ABCA4: variants seen among roughly 807,000 people sequenced by gnomAD.
The protein encoded by ABCA4 is ATP binding cassette subfamily A member 4.
Under a neutral mutation model 263.7 loss-of-function variants are expected in ABCA4, and 196 were observed. That is an observed-to-expected ratio of 0.74 (90% CI 0.66 to 0.84). The LOEUF is 0.84. Ranked by LOEUF, ABCA4 falls within the 40% of genes least tolerant of loss-of-function variation. ABCA4 has a pLI of 0.00. For synonymous variants in ABCA4, 1,133 were observed against 1,094.2 expected, an observed-to-expected ratio of 1.04 and a Z score of -0.70; for missense variants, 2,792 against 2,855.1, an observed-to-expected ratio of 0.98 and a Z score of 0.50.
chr1:94,075,352 T>TA (rs56275191), intron 11 of ABCA4, among the ~76,000 whole-genome samples: 12,397 of 150,430 alleles, frequency 0.082, 608 homozygotes, highest in South Asian at 0.17. Flanking sequence ...ATCTAAAAAT[T>TA]AAAAAAAAAA....
chr1:94,017,821 TG>T (rs1659780866), intron 36 of ABCA4, among the ~76,000 whole-genome samples: 1 of 152,212 alleles, frequency 6.6e-6, no homozygotes. Flanking sequence ...CAACTGTACT[TG>T]TGACTTTTCC....
chr1:94,083,516 TCTC>T (rs1403179710), intron 6 of ABCA4, 75 bp from the exon 7 acceptor site: 2 of 1,149,664 alleles, frequency 1.7e-6, no homozygotes, highest in African/African-American at 1.5e-5. Context: ...CACAGTCTGA[TCTC>T]CTATATGTTT....
chr1:94,052,355 A>G (rs1660860141), intron 16 of ABCA4, among the ~76,000 whole-genome samples: 2 of 152,184 alleles, frequency 1.3e-5, no homozygotes, highest in Admixed American at 6.5e-5. Flanking sequence ...TCTGCTCCCT[A>G]CAAAATGTTG....
At position 94,040,068 on chromosome 1, in the gene ABCA4, G is replaced by A; in HGVS notation, c.3582C>T (p.Asp1194=). The part of the protein sequence containing the change: ...FSTTCPAHVD[D]LTPEQVLDGD... ...CATCCAGGACTTGTTCTGGAGTTAG[G>A]TCATCGACGTGGGCTGGACACGTGG... Residue 1194 remains aspartate, a synonymous_variant, in exon 24 of 50, where the codon GAC becomes GAT. Coordinates refer to ENST00000370225, the MANE Select transcript of ABCA4 (RefSeq NM_000350.3). The A allele has an allele frequency of 6.2e-7, 1 of 1,608,738 alleles. No homozygotes were observed. The highest frequency in any genetic ancestry group is 8.5e-7 in the Non-Finnish European group (1 of 1,177,350).
chr1:94,011,216 C>G (rs1193395757), intron 39 of ABCA4, 46 bp downstream of exon 39: 1 of 1,613,658 alleles, frequency 6.2e-7, no homozygotes, highest in Non-Finnish European at 8.5e-7. Context: ...ACCCTCCCAG[C>G]TTTGGACCCA....
rs1662606229 is a variant in ABCA4, at chr1:94,111,568, T to C, written c.172A>G (p.Asn58Asp). 1 of 1,614,080 alleles carries C rather than the reference T, an allele frequency of 6.2e-7. No individual in the cohort carries two copies. The highest frequency in any genetic ancestry group is 8.5e-7 in the Non-Finnish European group (1 of 1,180,048). ...ATTCCTGCTGAGGGCATCGCCTTGT[T>C]GGGGAAATGGCCTTTAAAACAGAAA... ...LYSHHECHFP[N>D]KAMPSAGMLP... Residue 58 changes from asparagine (N) to aspartate (D), a missense_variant, in exon 3 of 50, where the codon AAC becomes GAC. By Grantham distance (23) the Asn-to-Asp change is conservative. Transcript: ENST00000370225.
At chr1:94,051,055 C>G (rs1031132965) in intron 17 of ABCA4, among the ~76,000 whole-genome samples, 5 of 152,192 alleles carry the variant, frequency 3.3e-5, no homozygotes, top group African/African-American at 4.8e-5. Flanking sequence ...AGTAAAGGTG[C>G]CTTTTACCTA....
intron 15 of ABCA4, among the ~76,000 whole-genome samples, chr1:94,055,599 G>A (rs1392678968): frequency 6.6e-6 from 1 of 152,170 alleles, no homozygotes; most frequent in Non-Finnish European, 1.5e-5. Context: ...TAGCTTCCTA[G>A]TGATCTATGT....
intron 11 of ABCA4, among the ~76,000 whole-genome samples, chr1:94,064,543 C>T (rs1661214708): frequency 6.6e-6 from 1 of 152,150 alleles, no homozygotes; most frequent in South Asian, 2.1e-4. Flanking sequence ...CAGTGGTTCC[C>T]ATCTGTGGCT....
chr1:94,013,224 CCCG>C (rs760735233), intron 38 of ABCA4, among the ~76,000 whole-genome samples: 86,631 of 151,486 alleles, frequency 0.57, 27,543 homozygotes, highest in South Asian at 0.76. Flanking sequence ...TTCTTATCCC[CCCG>C]CCTTTCCAGA....
intron 4 of ABCA4, among the ~76,000 whole-genome samples, chr1:94,106,286 G>T (rs530459376): frequency 6.6e-6 from 1 of 152,266 alleles, no homozygotes; most frequent in East Asian, 1.9e-4. Flanking sequence ...TAGTGATTTT[G>T]GTTCTCATAT....
In ABCA4 at chr1:94,078,693, A is replaced by C; in HGVS notation, c.1253T>G (p.Phe418Cys). 6.2e-7 allele frequency: 1 copy of C among 1,613,544 alleles called. No individual in the cohort carries two copies. The highest frequency in any genetic ancestry group is 8.5e-7 in the Non-Finnish European group (1 of 1,179,518). The change falls in exon 10 of 50, where the codon TTT becomes TGT. Residue 418 changes from phenylalanine (F) to cysteine (C), a missense_variant. Coordinates refer to ENST00000370225, the MANE Select transcript of ABCA4 (RefSeq NM_000350.3). ...CTTCCTAACGTGTTCCAGTTCTTCA[A>C]AAGTTGAGTTGGCCTAAAACCAGAC... ...RRILKNANST[F>C]EELEHVRKLV...
chr1:94,034,288 C>A (rs76296218), intron 26 of ABCA4, among the ~76,000 whole-genome samples: 2,670 of 152,262 alleles, frequency 0.018, 89 homozygotes, highest in African/African-American at 0.06. Context: ...TCATTAGAAG[C>A]AGGGAGCCCT....
At chr1:94,101,067 A>G (rs1360268716) in intron 5 of ABCA4, among the ~76,000 whole-genome samples, 2 of 152,250 alleles carry the variant, frequency 1.3e-5, no homozygotes, top group Non-Finnish European at 2.9e-5. Flanking sequence ...CAGAGCCAGC[A>G]ACATGAAATA....
At chr1:94,025,321 C>T (rs1373920544) in intron 30 of ABCA4, among the ~76,000 whole-genome samples, 5 of 152,178 alleles carry the variant, frequency 3.3e-5, no homozygotes, top group African/African-American at 9.7e-5. Context: ...AATACTGCCA[C>T]GCTACCCAAG....
intron 11 of ABCA4, among the ~76,000 whole-genome samples, chr1:94,068,952 C>T (rs763707341): frequency 5.3e-5 from 8 of 152,232 alleles, no homozygotes; most frequent in Non-Finnish European, 8.8e-5. Context: ...AAAGGGCTTT[C>T]CTCCTCCCCT....
intron 43 of ABCA4, among the ~76,000 whole-genome samples, chr1:94,007,326 A>G (rs1659418964): frequency 6.6e-6 from 1 of 152,168 alleles, no homozygotes; most frequent in African/African-American, 2.4e-5. Context: ...TAGGCTACAA[A>G]TATTCATCAG....
Position 94,005,718 on chromosome 1 carries a change from T to C in ABCA4, c.6006-136A>G, listed in dbSNP as rs1323594071. On this transcript the variant is annotated intron_variant, in intron 43 of 49. Coordinates refer to ENST00000370225, the MANE Select transcript of ABCA4 (RefSeq NM_000350.3). The stretch of plus-strand genomic sequence containing the variant: ...TCTCCTATTTGGCTTCAGAAATGCA[T>C]GGGATATTTGGGAATCAAAACAGGG... The C allele has an allele frequency of 2.8e-5, 21 of 761,464 alleles. No homozygotes were observed. The Admixed American group carries it at 5.6e-4, about 20-fold the overall frequency. 47.2% of individuals were successfully genotyped at this position (761,464 alleles called of 1,614,324 possible). A position where few individuals can be genotyped will look rare whatever the true frequency, so the allele number is the denominator to read the frequency against.
chr1:94,112,636 A>G (rs1396054495), intron 2 of ABCA4, among the ~76,000 whole-genome samples: 1 of 152,096 alleles, frequency 6.6e-6, no homozygotes, highest in African/African-American at 2.4e-5. Flanking sequence ...TCTCCACAAA[A>G]AACAAAAAAA....
Sources: allele counts gnomAD v4.1 joint callset (sites outside exome capture counted in the v4.1 genomes callset), GRCh38; gene constraint gnomAD v4.1.1; transcripts MANE v1.5; gene names NCBI Gene and HGNC (gene_info 2026-07-23, HGNC 2026-07-21).